Variants in EFL1 observed in about 807,000 individuals in gnomAD.
EFL1 encodes elongation factor-like GTPase 1.
A neutral mutation model predicts 126.7 loss-of-function variants in EFL1; 76 were observed. That is an observed-to-expected ratio of 0.60 (90% CI 0.50 to 0.73). EFL1 has a LOEUF of 0.73. EFL1 is among the 30% of genes least tolerant of loss of function. EFL1 has a pLI of 0.00. For missense variants in EFL1, 1,128 were observed against 1,343.2 expected (o/e 0.84, Z 2.50); for synonymous variants, 410 against 448.4 (o/e 0.91, Z 1.08).
intron 18 of EFL1, among the ~76,000 whole-genome samples, chr15:82,142,563 G>A (rs567869369): frequency 3.6e-4 from 55 of 152,238 alleles, no homozygotes; most frequent in African/African-American, 1.2e-3. Flanking sequence ...AGGAACCAGG[G>A]AAGAGGAATT....
At chr15:82,200,793 T>G (rs2074459576) in intron 15 of EFL1, among the ~76,000 whole-genome samples, 1 of 152,234 alleles carries the variant, frequency 6.6e-6, no homozygotes, top group African/African-American at 2.4e-5. Flanking sequence ...AGTATTTTGC[T>G]TTCACCTAAA....
At chr15:82,225,048 G>T in intron 12 of EFL1, 117 bp downstream of exon 12, 1 of 651,492 alleles carries the variant, frequency 1.5e-6, no homozygotes, top group Non-Finnish European at 2.5e-6. Flanking sequence ...GGCTTGATAT[G>T]AATTCTGGGT....
In EFL1 at chr15:82,163,944, T is replaced by G; in HGVS notation, c.1791A>C (p.Thr597=). Residue 597 remains threonine (T), a synonymous_variant, in exon 16 of 20, where the codon ACA becomes ACC. Transcript: ENST00000268206. ...GLQDFVLKSA[T]LCSLPSCPPF... The stretch of plus-strand genomic sequence containing the variant: ...GTGGGCAGGATGGCAGGCTACACAG[T>G]GTTGCAGATTTCAGCACAAAATCTT... 1 of 1,614,082 alleles carries G rather than the reference T, an allele frequency of 6.2e-7. No homozygotes were observed. The highest frequency in any genetic ancestry group is 8.5e-7 in the Non-Finnish European group (1 of 1,179,978).
chr15:82,156,321 T>G (rs909379331), intron 17 of EFL1, among the ~76,000 whole-genome samples: 1 of 152,102 alleles, frequency 6.6e-6, no homozygotes, highest in Non-Finnish European at 1.5e-5. Context: ...AGAGTCTTGC[T>G]CTGTTGCCAG....
intron 18 of EFL1, 99 bp downstream of exon 18, chr15:82,151,366 C>T (rs1444666552): frequency 2.8e-5 from 33 of 1,183,658 alleles, no homozygotes; most frequent in East Asian, 7.0e-5. Context: ...CCAGCTGGGG[C>T]GACAGAATGA....
At chr15:82,198,088 A>G (rs769877441) in intron 15 of EFL1, among the ~76,000 whole-genome samples, 14 of 152,194 alleles carry the variant, frequency 9.2e-5, no homozygotes, top group Admixed American at 7.9e-4. Context: ...CGTTTTACAC[A>G]TGGGCACTGG....
intron 15 of EFL1, among the ~76,000 whole-genome samples, chr15:82,166,153 T>C (rs2074077736): frequency 6.6e-6 from 1 of 152,224 alleles, no homozygotes; most frequent in South Asian, 2.1e-4. Context: ...CTGACCAGCA[T>C]GCATTTCCTT....
rs761306150 is a variant in EFL1 at position 82,151,823 on chromosome 15, G to T, written c.2631C>A (p.Thr877=). The change falls in exon 18 of 20, where the codon ACC becomes ACA. Residue 877 remains threonine, a synonymous_variant. Transcript: ENST00000268206. ...NSIVSGFQLA[T]LSGPMCEEPL... The stretch of plus-strand genomic sequence containing the variant: ...GCTCCTCACACATGGGGCCAGAGAG[G>T]GTTGCTAGTTGGAAGCCACTCACAA... 6.2e-7 allele frequency: 1 copy of T among 1,614,084 alleles called. No individual in the cohort carries two copies. The highest frequency in any genetic ancestry group is 1.1e-5 in the South Asian group (1 of 91,066).
At chr15:82,228,560 C>T (rs1050863256) in intron 9 of EFL1, among the ~76,000 whole-genome samples, 2 of 152,206 alleles carry the variant, frequency 1.3e-5, no homozygotes, top group African/African-American at 4.8e-5. Context: ...CCACCATCTC[C>T]TCAAGCAAGC....
At chr15:82,138,414 G>GAGAC (rs1203398013) in intron 19 of EFL1, among the ~76,000 whole-genome samples, 1 of 115,780 alleles carries the variant, frequency 8.6e-6, no homozygotes, top group Non-Finnish European at 1.8e-5. Flanking sequence ...AAATGAGAGA[G>GAGAC]AGAGAGAGAG....
Position 82,152,306 on chromosome 15 carries a change from T to G in EFL1, c.2148A>C (p.Ala716=). 1.2e-6 allele frequency: 2 copies of G among 1,614,174 alleles called. No individual in the cohort carries two copies. The highest frequency in any genetic ancestry group is 1.7e-6 in the Non-Finnish European group (2 of 1,180,044). ...NEEIGKQQKV[A]VIHQMKEDQS... ...GATCTTCTTTCATTTGGTGTATGAC[T>G]GCAACTTTTTGCTGTTTGCCTATTT... The change falls in exon 18 of 20, where the codon GCA becomes GCC. Residue 716 remains alanine, a synonymous_variant. Transcript: ENST00000268206.
In EFL1 at chr15:82,157,833, A is replaced by G; in HGVS notation, c.1910T>C (p.Met637Thr). ...GGGATCAGCCTGGTTTAACAGTTTC[A>G]TTCCTTTTACGAGCTGAGGCATTTC... ...PSEMPQLVKG[M>T]KLLNQADPCV... The change falls in exon 17 of 20, where the codon ATG (methionine) becomes ACG (threonine). Residue 637 changes from methionine (M) to threonine (T), a missense_variant. Transcript: ENST00000268206. 1.2e-6 allele frequency: 2 copies of G among 1,613,750 alleles called. No homozygotes were observed. Among genetic ancestry groups the G allele is most frequent in the Non-Finnish European group, 1.7e-6 (2 of 1,179,768 alleles).
chr15:82,188,918 CTTTT>C (rs200171867), intron 15 of EFL1, among the ~76,000 whole-genome samples: 14 of 133,612 alleles, frequency 1.0e-4, no homozygotes, highest in African/African-American at 3.0e-4. Context: ...TGTGTTTATG[CTTTT>C]TTTTTTTTTT....
intron 15 of EFL1, among the ~76,000 whole-genome samples, chr15:82,198,350 G>A (rs1243250118): frequency 6.6e-6 from 1 of 152,168 alleles, no homozygotes; most frequent in Non-Finnish European, 1.5e-5. Flanking sequence ...CAATGCTTCT[G>A]AGCTCGTTCA....
At chr15:82,185,975 C>T (rs1327298110) in intron 15 of EFL1, among the ~76,000 whole-genome samples, 5 of 152,218 alleles carry the variant, frequency 3.3e-5, no homozygotes, top group African/African-American at 1.2e-4. Flanking sequence ...AACTATTGTA[C>T]TCATCTTTTT....
At chr15:82,162,126 A>C (rs2141240496) in intron 16 of EFL1, among the ~76,000 whole-genome samples, 1 of 152,128 alleles carries the variant, frequency 6.6e-6, no homozygotes, top group South Asian at 2.1e-4. Flanking sequence ...TAATGAAAAA[A>C]ATTAGCTGGG....
rs1595944484 is a variant in EFL1, at chr15:82,151,955, G to A, written c.2499C>T (p.Pro833=). The change falls in exon 18 of 20, where the codon CCC becomes CCT. Residue 833 remains proline, a synonymous_variant. Coordinates refer to ENST00000268206, the MANE Select transcript of EFL1 (RefSeq NM_024580.6). ...IWSFGPRKCG[P]NILVNKSEDF... Reference sequence around the variant, plus strand: ...CTTCACTTTTATTGACTAGTATGTTGGGCCCACATTTTCTTGGGCCAAATG... The same window carrying A: ...CTTCACTTTTATTGACTAGTATGTTAGGCCCACATTTTCTTGGGCCAAATG... The A allele has an allele frequency of 6.2e-7, 1 of 1,614,018 alleles. No individual in the cohort carries two copies. The highest frequency in any genetic ancestry group is 1.1e-5 in the South Asian group (1 of 91,068).
chr15:82,246,702 G>A (rs1015857101), intron 4 of EFL1, among the ~76,000 whole-genome samples: 1 of 152,082 alleles, frequency 6.6e-6, no homozygotes, highest in East Asian at 1.9e-4. Flanking sequence ...GCCAGTGACA[G>A]GAGGCAAGCA....
chr15:82,260,376 A>G (rs545461159), intron 2 of EFL1, among the ~76,000 whole-genome samples: 1 of 152,338 alleles, frequency 6.6e-6, no homozygotes, highest in South Asian at 2.1e-4. Context: ...GTGATCCACT[A>G]TCTGTCTTTC....
Sources: gnomAD v4.1 joint callset for allele counts (sites outside exome capture counted in the v4.1 genomes callset) on GRCh38, gnomAD v4.1.1 for gene constraint, MANE v1.5 for transcripts, NCBI Gene and HGNC (gene_info 2026-07-23, HGNC 2026-07-21) for gene names.